GPR39: variants seen among roughly 807,000 people sequenced by gnomAD.
GPR39 encodes G protein-coupled receptor 39.
In GPR39, 23 loss-of-function variants were observed where a neutral mutation model predicts 18.4. The ratio of observed to expected loss-of-function variants is 1.25; its 90% confidence interval spans 0.90 to 1.77. The LOEUF is 1.77. Among genes scored for constraint, GPR39 ranks in the 40% most tolerant of loss-of-function variants. GPR39 has a pLI of 0.00. For missense variants in GPR39, 647 were observed against 602.4 expected, an observed-to-expected ratio of 1.07 and a Z score of -0.78; for synonymous variants, 280 against 257.9, an observed-to-expected ratio of 1.09 and a Z score of -0.82.
chr2:132,485,412 G>C (rs1200543242), intron 1 of GPR39, among the ~76,000 whole-genome samples: 5 of 152,114 alleles, frequency 3.3e-5, no homozygotes, highest in Non-Finnish European at 5.9e-5. Context: ...TTGCCACTTC[G>C]ACTGACTCTT....
intron 1 of GPR39, among the ~76,000 whole-genome samples, chr2:132,552,865 T>C (rs889930476): frequency 7.1e-6 from 1 of 141,020 alleles, no homozygotes; most frequent in African/African-American, 2.7e-5. Context: ...TATATATACA[T>C]ATATATACAC....
chr2:132,487,024 G>A (rs1363577217), intron 1 of GPR39, among the ~76,000 whole-genome samples: 1 of 152,146 alleles, frequency 6.6e-6, no homozygotes, highest in Non-Finnish European at 1.5e-5. Flanking sequence ...GGTCATTGTA[G>A]CATTATTGAT....
chr2:132,492,805 A>AC (rs1242591742), intron 1 of GPR39, among the ~76,000 whole-genome samples: 2 of 100,046 alleles, frequency 2.0e-5, no homozygotes, highest in African/African-American at 7.3e-5. Flanking sequence ...TATATACCAT[A>AC]TATATACATA....
chr2:132,585,842 G>A (rs1253992547), intron 1 of GPR39, among the ~76,000 whole-genome samples: 1 of 152,062 alleles, frequency 6.6e-6, no homozygotes, highest in Non-Finnish European at 1.5e-5. Flanking sequence ...TGTCCCTCGA[G>A]GTGAAGGCCC....
intron 1 of GPR39, among the ~76,000 whole-genome samples, chr2:132,629,928 A>AT (rs1681618157): frequency 6.6e-6 from 1 of 152,052 alleles, no homozygotes. Context: ...CTGTCCACTC[A>AT]TTTTCTTTGC....
chr2:132,425,299 A>G (rs1680098159), intron 1 of GPR39, among the ~76,000 whole-genome samples: 1 of 152,158 alleles, frequency 6.6e-6, no homozygotes, highest in African/African-American at 2.4e-5. Flanking sequence ...TCTCGACTAT[A>G]TTGGAACTCC....
At chr2:132,588,915 T>G (rs1301960240) in intron 1 of GPR39, among the ~76,000 whole-genome samples, 1 of 152,142 alleles carries the variant, frequency 6.6e-6, no homozygotes, top group Non-Finnish European at 1.5e-5. Context: ...CAGCCTCAAA[T>G]GGGGAGATAG....
intron 1 of GPR39, among the ~76,000 whole-genome samples, chr2:132,469,511 A>G (rs1680990874): frequency 2.0e-5 from 3 of 152,342 alleles, no homozygotes; most frequent in South Asian, 4.1e-4. Flanking sequence ...AACACACTTT[A>G]GAAACAGGCA....
At chr2:132,460,730 TC>T (rs1020609486) in intron 1 of GPR39, among the ~76,000 whole-genome samples, 4 of 152,172 alleles carry the variant, frequency 2.6e-5, no homozygotes, top group African/African-American at 9.7e-5. Context: ...CTTTTTTTTT[TC>T]CTTACCTTTA....
At chr2:132,450,313 G>C (rs73955697) in intron 1 of GPR39, among the ~76,000 whole-genome samples, 1,583 of 152,326 alleles carry the variant, frequency 0.01, 36 homozygotes, top group African/African-American at 0.036. Flanking sequence ...CCAACATTGA[G>C]CTTTCTGCTC....
At chr2:132,554,701 A>G (rs568494241) in intron 1 of GPR39, among the ~76,000 whole-genome samples, 1 of 152,334 alleles carries the variant, frequency 6.6e-6, no homozygotes, top group African/African-American at 2.4e-5. Context: ...AAATGCTGGC[A>G]GGGCTTAAAG....
intron 1 of GPR39, among the ~76,000 whole-genome samples, chr2:132,550,126 C>G (rs373820935): frequency 2.6e-5 from 4 of 152,028 alleles, no homozygotes; most frequent in African/African-American, 4.8e-5. Flanking sequence ...CACTGCAGCC[C>G]GGACAATGAA....
chr2:132,597,192 A>G (rs564356163), intron 1 of GPR39, among the ~76,000 whole-genome samples: 4 of 152,296 alleles, frequency 2.6e-5, no homozygotes, highest in South Asian at 4.1e-4. Flanking sequence ...TAGACACCCA[A>G]GTGGAAAGCT....
chr2:132,469,396 T>C (rs778315671), intron 1 of GPR39, among the ~76,000 whole-genome samples: 1 of 152,216 alleles, frequency 6.6e-6, no homozygotes, highest in Non-Finnish European at 1.5e-5. Context: ...CAAATTGTTA[T>C]CCTTGGGAGT....
chr2:132,458,414 C>CAT (rs1477160176), intron 1 of GPR39, among the ~76,000 whole-genome samples: 2 of 144,448 alleles, frequency 1.4e-5, no homozygotes, highest in East Asian at 4.1e-4. Context: ...TCCATGAGCT[C>CAT]ATATATATCT....
intron 1 of GPR39, among the ~76,000 whole-genome samples, chr2:132,472,192 T>C (rs928851338): frequency 3.9e-5 from 6 of 152,166 alleles, no homozygotes; most frequent in African/African-American, 1.4e-4. Flanking sequence ...CTGACATTCA[T>C]TAACATCATC....
intron 1 of GPR39, among the ~76,000 whole-genome samples, chr2:132,436,124 C>T (rs1197844618): frequency 6.7e-6 from 1 of 149,246 alleles, no homozygotes; most frequent in Non-Finnish European, 1.5e-5. Flanking sequence ...TGCCTTTGAC[C>T]TTTGTCCTGT....
intron 1 of GPR39, among the ~76,000 whole-genome samples, chr2:132,623,995 A>G (rs1050495969): frequency 6.6e-6 from 1 of 152,138 alleles, no homozygotes. Context: ...AATTTACATC[A>G]CAGTAACCTG....
intron 1 of GPR39, among the ~76,000 whole-genome samples, chr2:132,602,429 A>G (rs895565981): frequency 1.3e-5 from 2 of 152,176 alleles, no homozygotes; most frequent in Admixed American, 1.3e-4. Flanking sequence ...ACCTGAAACT[A>G]TAAAACTACT....
Sources: allele counts gnomAD v4.1 joint callset (sites outside exome capture counted in the v4.1 genomes callset), GRCh38; gene constraint gnomAD v4.1.1; transcripts MANE v1.5; gene names NCBI Gene and HGNC (gene_info 2026-07-23, HGNC 2026-07-21).